Variants in DZANK1 observed in about 807,000 individuals in gnomAD.
DZANK1 encodes double zinc ribbon and ankyrin repeat-containing protein 1.
DZANK1 carries 91 observed loss-of-function variants against 94.5 expected under a neutral mutation model. The observed-to-expected ratio is 0.96, with a 90% CI of 0.81 to 1.15. The LOEUF (loss-of-function observed/expected upper bound fraction) is 1.15, where lower values mean the gene tolerates loss of function less well. Ranked by LOEUF, DZANK1 falls within the 50% of genes most tolerant of loss-of-function variation. The pLI, the probability that DZANK1 is intolerant of heterozygous loss-of-function variation, is 0.00. For missense variants in DZANK1, 903 were observed against 916.4 expected (o/e 0.99, Z 0.19); for synonymous variants, 312 against 325.3 (o/e 0.96, Z 0.44).
At chr20:18,436,443 CAA>C (rs767717764) in intron 8 of DZANK1, among the ~76,000 whole-genome samples, 2 of 103,668 alleles carry the variant, frequency 1.9e-5, no homozygotes, top group Admixed American at 1.1e-4. Flanking sequence ...GACTCCATCT[CAA>C]AAAAAAAAAA....
chr20:18,393,461 T>C (rs1010943024), intron 17 of DZANK1, among the ~76,000 whole-genome samples: 1 of 152,112 alleles, frequency 6.6e-6, no homozygotes, highest in African/African-American at 2.4e-5. Flanking sequence ...AGTCGAAAGA[T>C]AGGCAGACAG....
At chr20:18,462,914 G>A (rs570894694) in intron 2 of DZANK1, among the ~76,000 whole-genome samples, 2 of 141,614 alleles carry the variant, frequency 1.4e-5, no homozygotes, top group African/African-American at 2.7e-5. Flanking sequence ...CTCCAGCCTG[G>A]GTGACAAAGT....
intron 8 of DZANK1, among the ~76,000 whole-genome samples, chr20:18,436,819 A>C (rs1300922015): frequency 2.0e-5 from 3 of 152,186 alleles, no homozygotes; most frequent in Non-Finnish European, 2.9e-5. Context: ...GAAAATACTG[A>C]AAGTAGCAAG....
At chr20:18,465,360 T>C in exon 2 of DZANK1, 1 of 1,014,900 alleles carries the variant, frequency 9.9e-7, no homozygotes, top group Non-Finnish European at 1.4e-6. Flanking sequence ...AGCAGTCATT[T>C]TCTCTCTCTC....
At chr20:18,458,044 A>G (rs1568552727) in intron 3 of DZANK1, among the ~76,000 whole-genome samples, 1 of 152,204 alleles carries the variant, frequency 6.6e-6, no homozygotes, top group African/African-American at 2.4e-5. Flanking sequence ...CAGTGTTTCT[A>G]TTTGACCTGG....
Position 18,455,346 on chromosome 20 carries a change from ACT to A in DZANK1, c.277_278del (p.Ser93TrpfsTer12). ...CGTGAAACACCTTTGTCACAATGCC[ACT>A]CTGTCTGCAGTCTCTGAAAATTATT... On this transcript the variant is annotated frameshift_variant, in exon 4 of 21. Coordinates refer to ENST00000262547, the Ensembl canonical transcript of DZANK1. LOFTEE classifies it high-confidence loss of function. The A allele has an allele frequency of 6.2e-7, 1 of 1,603,546 alleles. No homozygotes were observed. Among genetic ancestry groups the A allele is most frequent in the Non-Finnish European group, 8.5e-7 (1 of 1,174,180 alleles).
At chr20:18,400,772 T>C (rs1276932033) in intron 13 of DZANK1, among the ~76,000 whole-genome samples, 2 of 152,204 alleles carry the variant, frequency 1.3e-5, no homozygotes, top group Non-Finnish European at 2.9e-5. Context: ...GCACCTACTA[T>C]TGGTCATGTA....
At chr20:18,452,119 A>C (rs1276083548) in intron 6 of DZANK1, among the ~76,000 whole-genome samples, 1 of 151,748 alleles carries the variant, frequency 6.6e-6, no homozygotes, top group Non-Finnish European at 1.5e-5. Context: ...AGACCAATTA[A>C]ATCAGAATTT....
chr20:18,389,022 C>T (rs149559597), intron 19 of DZANK1, among the ~76,000 whole-genome samples: 96 of 152,240 alleles, frequency 6.3e-4, no homozygotes, highest in African/African-American at 2.0e-3. Flanking sequence ...ACAACGTAGT[C>T]GGCAAGATAT....
intron 12 of DZANK1, among the ~76,000 whole-genome samples, chr20:18,413,962 A>G (rs2057372964): frequency 6.6e-6 from 1 of 152,228 alleles, no homozygotes; most frequent in South Asian, 2.1e-4. Context: ...TTAGAGCTTA[A>G]GTACTTCTGA....
At chr20:18,434,837 C>T (rs954315391) in intron 8 of DZANK1, among the ~76,000 whole-genome samples, 1 of 152,048 alleles carries the variant, frequency 6.6e-6, no homozygotes, top group African/African-American at 2.4e-5. Flanking sequence ...GTTAAGGTGA[C>T]GATTTTGGTG....
chr20:18,411,235 A>G (rs1286190366), intron 13 of DZANK1, among the ~76,000 whole-genome samples: 1 of 152,200 alleles, frequency 6.6e-6, no homozygotes, highest in African/African-American at 2.4e-5. Flanking sequence ...GATCAATGAA[A>G]TTGATAAACC....
At chr20:18,460,467 C>T (rs376565441) in intron 2 of DZANK1, among the ~76,000 whole-genome samples, 161 bp from the exon 3 acceptor site, 16 of 152,280 alleles carry the variant, frequency 1.1e-4, no homozygotes, top group African/African-American at 3.6e-4. Flanking sequence ...ATGTGGCTCA[C>T]GCCTGTAATC....
intron 18 of DZANK1, among the ~76,000 whole-genome samples, chr20:18,390,159 G>T (rs77424350): frequency 0.028 from 4,303 of 152,282 alleles, 200 homozygotes; most frequent in African/African-American, 0.097. Context: ...ATGTTCCTTG[G>T]TCTCATCTGT....
In DZANK1 at chr20:18,389,659, C is replaced by A. The variant is rs753622902; in HGVS notation, c.2018+42G>T. 2.1e-5 allele frequency: 33 copies of A among 1,609,022 alleles called. No homozygotes were observed. In the Admixed American group the frequency reaches 3.5e-4, roughly 17 times the overall value. On this transcript the variant is annotated intron_variant, in intron 19 of 20. Transcript: ENST00000262547. ...CTGCAGTGGAGCTCCAAGCAGTCAG[C>A]CTGCTGCTACCTTAGCTCTCCTTTC... is the stretch of plus-strand genomic sequence containing the variant.
intron 6 of DZANK1, among the ~76,000 whole-genome samples, chr20:18,449,968 C>T (rs1261216191): frequency 6.6e-6 from 1 of 151,700 alleles, no homozygotes; most frequent in African/African-American, 2.4e-5. Flanking sequence ...ATCCCAGCTA[C>T]TCAGGAGGCT....
At chr20:18,446,248 A>C (rs920026121) in intron 7 of DZANK1, among the ~76,000 whole-genome samples, 1 of 152,038 alleles carries the variant, frequency 6.6e-6, no homozygotes, top group African/African-American at 2.4e-5. Flanking sequence ...CTAAGAAAGA[A>C]AGAAGAAAGG....
exon 21 of DZANK1, chr20:18,384,267 C>T (rs531565364): frequency 3.4e-6 from 3 of 888,560 alleles, no homozygotes; most frequent in Admixed American, 3.1e-5. Flanking sequence ...CCATGTTGGT[C>T]AGGCTGGTCT....
chr20:18,443,685 C>T (rs538232730), intron 7 of DZANK1, among the ~76,000 whole-genome samples: 46 of 152,166 alleles, frequency 3.0e-4, no homozygotes, highest in Non-Finnish European at 5.0e-4. Context: ...GCCCTTTCTG[C>T]GTAGGCCAAG....
Sources: gnomAD v4.1 joint callset for allele counts (sites outside exome capture counted in the v4.1 genomes callset) on GRCh38, gnomAD v4.1.1 for gene constraint, MANE v1.5 for transcripts, NCBI Gene and HGNC (gene_info 2026-07-23, HGNC 2026-07-21) for gene names.